The following TRAK1 variants were observed in gnomAD, a reference collection of about 807,000 sequenced individuals.
The protein encoded by TRAK1 is trafficking kinesin protein 1.
Under a neutral mutation model 92.1 loss-of-function variants are expected in TRAK1, and 33 were observed. The ratio of observed to expected loss-of-function variants is 0.36; its 90% CI spans 0.27 to 0.48. The LOEUF (loss-of-function observed/expected upper bound fraction) is 0.48. TRAK1 is among the 20% of genes least tolerant of loss of function. The pLI, the probability that TRAK1 is intolerant of heterozygous loss-of-function variation, is 0.99. For synonymous variants in TRAK1, 521 were observed against 517.3 expected, an observed-to-expected ratio of 1.01 and a Z score of -0.10; for missense variants, 1,123 against 1,257.9, an observed-to-expected ratio of 0.89 and a Z score of 1.62.
chr3:42,153,677 C>T (rs1469363743), intron 2 of TRAK1, among the ~76,000 whole-genome samples: 1 of 152,192 alleles, frequency 6.6e-6, no homozygotes, highest in African/African-American at 2.4e-5. Flanking sequence ...CTGGTGCGCT[C>T]TGTTCCTCAC....
chr3:42,137,397 T>C (rs1201908738), intron 2 of TRAK1, among the ~76,000 whole-genome samples: 1 of 152,206 alleles, frequency 6.6e-6, no homozygotes, highest in Admixed American at 6.5e-5. Flanking sequence ...ATCCTAAAGA[T>C]TTTTTTATCC....
chr3:42,056,204 G>A (rs1703198122), intron 1 of TRAK1, among the ~76,000 whole-genome samples: 1 of 152,098 alleles, frequency 6.6e-6, no homozygotes. Context: ...ATACCTATGA[G>A]AGGAATTGCT....
rs35147167 is a variant in TRAK1 at position 42,038,803 on chromosome 3, GTTT to G, written c.-519+24704_-519+24706del. Among the ~76,000 whole-genome samples, 5 of 96,760 alleles carry G rather than the reference GTTT, an allele frequency of 5.2e-5. No homozygotes were observed. In the East Asian group the frequency reaches 1.1e-3, roughly 22 times the overall value. 63.5% of individuals were successfully genotyped at this position (96,760 alleles called of 152,430 possible). A position where few individuals can be genotyped will look rare whatever the true frequency, so the allele number is the denominator to read the frequency against. ...ACTTCATCTCAAAAAAAAAAAAAAA[GTTT>G]TTTTTTTTTTTTTTTTTGGTAGAGA... On this transcript the variant is annotated intron_variant, in intron 1 of 16. Coordinates refer to the TRAK1 transcript ENST00000487159.
chr3:42,013,675 G>C (rs1233644162), upstream of TRAK1: 2 of 147,216 alleles, frequency 1.4e-5, no homozygotes, highest in African/African-American at 4.9e-5. The surrounding 1 kb of genome is among the most constrained non-coding windows in gnomAD (Gnocchi z 5.1). Context: ...GAGGCCGCGC[G>C]GCGGCGCCCG....
upstream of TRAK1, among the ~76,000 whole-genome samples, chr3:42,088,998 AAGG>A (rs1212155089): frequency 6.6e-6 from 1 of 152,096 alleles, no homozygotes; most frequent in Non-Finnish European, 1.5e-5. Flanking sequence ...CTTCCTCCTT[AAGG>A]CCAGATGTCT....
At chr3:42,049,040 A>G (rs1469580754) in intron 1 of TRAK1, among the ~76,000 whole-genome samples, 1 of 151,780 alleles carries the variant, frequency 6.6e-6, no homozygotes, top group East Asian at 1.9e-4. Context: ...GGTGCCCACC[A>G]TCATGCCCAG....
chr3:42,194,751 G>A lies in TRAK1; in HGVS notation c.976-53G>A, dbSNP rs72869992. On this transcript the variant is annotated intron_variant, in intron 9 of 15. Transcript: ENST00000327628. ...CTGGCCTTCGGATGGGCAGATGTGT[G>A]TACACCTGGGTGCTCAGGAGATCCT... 1,624 of 1,599,564 alleles carry A rather than the reference G, an allele frequency of 1.0e-3. 18 individuals are homozygous for A. In the African/African-American group the frequency reaches 0.02, roughly 20 times the overall value.
intron 2 of TRAK1, among the ~76,000 whole-genome samples, chr3:42,132,025 T>A (rs1359156393): frequency 6.6e-6 from 1 of 151,546 alleles, no homozygotes; most frequent in Non-Finnish European, 1.5e-5. Context: ...GCCAAGATCG[T>A]GCCACTGCAC....
intron 1 of TRAK1, among the ~76,000 whole-genome samples, chr3:42,114,354 C>T (rs761405746): frequency 2.0e-5 from 3 of 152,194 alleles, no homozygotes; most frequent in Non-Finnish European, 4.4e-5. Flanking sequence ...AGTGAAATTG[C>T]TGCAACATAT....
At chr3:42,146,171 G>GA in intron 2 of TRAK1, 1 of 349,450 alleles carries the variant, frequency 2.9e-6, no homozygotes, top group Non-Finnish European at 5.7e-6. Flanking sequence ...CAACAAGGAG[G>GA]AAAAAATACC....
In TRAK1 at chr3:42,223,907, G is replaced by C; in HGVS notation, c.*170G>C. 1.3e-6 allele frequency: 1 copy of C among 763,738 alleles called. No homozygotes were observed. The highest frequency in any genetic ancestry group is 1.8e-5 in the South Asian group (1 of 56,286). The allele number at this position is 763,738 out of a possible 1,614,324, so 47.3% of individuals were successfully genotyped here. A position where few individuals can be genotyped will look rare whatever the true frequency, so the allele number is the denominator to read the frequency against. ...CTAATGGAGGAAGTGTGGAAACTTT[G>C]TAAAATGTGTACATAGGACTTGGAG... On this transcript the variant is annotated 3_prime_UTR_variant, in exon 16 of 16. Coordinates refer to ENST00000327628, the MANE Select transcript of TRAK1 (RefSeq NM_001042646.3). The surrounding 1 kb of genome is among the most constrained non-coding windows in gnomAD (Gnocchi z 6.1).
intron 1 of TRAK1, among the ~76,000 whole-genome samples, chr3:42,044,744 A>G (rs1299890604): frequency 6.6e-6 from 1 of 152,144 alleles, no homozygotes; most frequent in African/African-American, 2.4e-5. Flanking sequence ...TAAATGCTCT[A>G]TTTGTTATTA....
intron 3 of TRAK1, among the ~76,000 whole-genome samples, chr3:42,178,121 C>G (rs372535628): frequency 6.6e-6 from 1 of 152,112 alleles, no homozygotes; most frequent in Non-Finnish European, 1.5e-5. Flanking sequence ...TTCCGGCACC[C>G]GCTCATCACC....
At chr3:42,039,625 A>G (rs1196245493) in intron 1 of TRAK1, among the ~76,000 whole-genome samples, 1 of 152,230 alleles carries the variant, frequency 6.6e-6, no homozygotes, top group African/African-American at 2.4e-5. Flanking sequence ...TGGCCTCCCA[A>G]AGTGTTGGGA....
intron 1 of TRAK1, among the ~76,000 whole-genome samples, chr3:42,023,181 A>C (rs1447631080): frequency 3.3e-4 from 50 of 151,378 alleles, no homozygotes; most frequent in African/African-American, 1.2e-3. Context: ...AAAACAACAA[A>C]AAGAAAATAA....
chr3:42,143,763 G>A lies in TRAK1; in HGVS notation c.286+18149G>A, dbSNP rs142709844. On this transcript the variant is annotated intron_variant, in intron 2 of 15. Transcript: ENST00000327628. ...CTGCAGTAAACCTGGGCCGAGGGAG[G>A]GCTGTAACCCTCAGGAGTGTTGGGA... 3.7e-3 allele frequency among the ~76,000 whole-genome samples: 568 copies of A among 152,190 alleles called. 7 individuals are homozygous for A. Among genetic ancestry groups the A allele is most frequent in the African/African-American group, 0.013 (538 of 41,504 alleles).
Position 42,209,927 on chromosome 3 carries a change from C to T in TRAK1, c.1905C>T (p.Asp635=). The change falls in exon 14 of 16, where the codon GAC becomes GAT. Residue 635 remains aspartate (D), a synonymous_variant. Transcript: ENST00000327628. ...LNDFEEDDTG[D]HISLPRLATS... ...ACTTTGAAGAAGATGACACAGGTGA[C>T]CACATTTCTCTCCCACGCCTAGCTA... is the stretch of plus-strand genomic sequence containing the variant. 1 of 1,614,186 alleles carries T rather than the reference C, an allele frequency of 6.2e-7. No homozygotes were observed. The highest frequency in any genetic ancestry group is 1.3e-5 in the African/African-American group (1 of 75,040).
At chr3:42,071,734 C>G (rs1205525899) in intron 1 of TRAK1, among the ~76,000 whole-genome samples, 1 of 151,668 alleles carries the variant, frequency 6.6e-6, no homozygotes, top group Non-Finnish European at 1.5e-5. Context: ...TACCCACTCT[C>G]TCTCCCCCTT....
At chr3:42,136,368 T>A (rs1407102278) in intron 2 of TRAK1, among the ~76,000 whole-genome samples, 1 of 152,188 alleles carries the variant, frequency 6.6e-6, no homozygotes, top group African/African-American at 2.4e-5. Context: ...CTCACACTTA[T>A]AATCCCAGTG....
Sources: allele counts gnomAD v4.1 joint callset (sites outside exome capture counted in the v4.1 genomes callset), GRCh38; gene constraint gnomAD v4.1.1; non-coding constraint Gnocchi (gnomAD v3.1); transcripts MANE v1.5; gene names NCBI Gene and HGNC (gene_info 2026-07-23, HGNC 2026-07-21).